The following E2F5 variants were observed in gnomAD, a reference collection of about 807,000 sequenced individuals.
E2F5 encodes transcription factor E2F5.
Under a neutral mutation model 39.1 loss-of-function variants are expected in E2F5, and 23 were observed. The ratio of observed to expected loss-of-function variants is 0.59; its 90% CI spans 0.42 to 0.83. The LOEUF (loss-of-function observed/expected upper bound fraction) is 0.83. Among genes scored for constraint, E2F5 ranks in the 40% least tolerant of loss-of-function variants. The pLI is 0.00. For synonymous variants in E2F5, 145 were observed against 157.8 expected (o/e 0.92, Z 0.61); for missense variants, 365 against 406.7 (o/e 0.90, Z 0.88).
In E2F5 at chr8:85,214,329, C is replaced by T; in HGVS notation, c.*467C>T. 1 of 589,652 alleles carries T rather than the reference C, an allele frequency of 1.7e-6. No homozygotes were observed. Among genetic ancestry groups the T allele is most frequent in the Non-Finnish European group, 3.0e-6 (1 of 330,850 alleles). 36.5% of individuals were successfully genotyped at this position (589,652 alleles called of 1,614,324 possible). ...GAAGGATGTAAACGAGGATATATAA[C>T]TGTTTCAGTGAACAGATTTTGTGAA... On this transcript the variant is annotated 3_prime_UTR_variant, in exon 8 of 8. Transcript: ENST00000416274.
intron 1 of E2F5, among the ~76,000 whole-genome samples, chr8:85,193,783 A>G (rs996055200): frequency 2.0e-5 from 3 of 152,170 alleles, no homozygotes; most frequent in African/African-American, 7.2e-5. Context: ...TTTGAGATGC[A>G]TTCATATTAT....
chr8:85,199,161 T>A (rs1812640613), intron 1 of E2F5, among the ~76,000 whole-genome samples: 1 of 152,090 alleles, frequency 6.6e-6, no homozygotes, highest in Non-Finnish European at 1.5e-5. Flanking sequence ...TATCTCCTTT[T>A]TCCATTTTCC....
chr8:85,209,754 G>C (rs1471473675), intron 6 of E2F5, among the ~76,000 whole-genome samples: 1 of 152,220 alleles, frequency 6.6e-6, no homozygotes, highest in African/African-American at 2.4e-5. Context: ...TTTACCTGAA[G>C]TTTACTTGGT....
intron 1 of E2F5, among the ~76,000 whole-genome samples, chr8:85,193,817 T>G (rs1159405136): frequency 2.0e-5 from 3 of 152,234 alleles, no homozygotes; most frequent in Non-Finnish European, 4.4e-5. Flanking sequence ...GGTTCATTCC[T>G]TCCACTCCCC....
intron 1 of E2F5, among the ~76,000 whole-genome samples, chr8:85,181,074 T>A (rs2283745): frequency 1.2e-4 from 18 of 151,762 alleles, no homozygotes; most frequent in Non-Finnish European, 1.5e-5. Context: ...GACAGGGTTT[T>A]GCCATATTGC....
intron 5 of E2F5, 83 bp downstream of exon 5, chr8:85,207,572 A>G: frequency 8.5e-7 from 1 of 1,181,794 alleles, no homozygotes; most frequent in Non-Finnish European, 1.2e-6. Flanking sequence ...GCTGAATGTG[A>G]GCTAATTGTG....
rs568147635 is a variant in E2F5, at chr8:85,203,789, G to A, written c.506+534G>A. 7.8e-4 allele frequency among the ~76,000 whole-genome samples: 116 copies of A among 148,124 alleles called. 1 individual carries two copies. The highest frequency in any genetic ancestry group is 1.3e-3 in the Non-Finnish European group (90 of 67,242). On this transcript the variant is annotated intron_variant, in intron 3 of 7. Coordinates refer to ENST00000416274, the MANE Select transcript of E2F5 (RefSeq NM_001951.4). ...GTGTGCCTATCAACAATATATATTG[G>A]GGGAAAAACATTATTATATATAATA...
intron 6 of E2F5, among the ~76,000 whole-genome samples, chr8:85,210,350 G>A (rs1812889285): frequency 6.6e-6 from 1 of 151,990 alleles, no homozygotes; most frequent in Admixed American, 6.6e-5. Flanking sequence ...CTATAAATAT[G>A]TCTATACTAC....
rs950695727 is a variant in E2F5, at chr8:85,211,643, G to GTTTTTT, written c.884-491_884-486dup. 3.7e-3 allele frequency among the ~76,000 whole-genome samples: 193 copies of GTTTTTT among 52,206 alleles called. 5 individuals carry two copies. Among genetic ancestry groups the GTTTTTT allele is most frequent in the Non-Finnish European group, 4.0e-3 (115 of 28,528 alleles). 34.2% of individuals were successfully genotyped at this position (52,206 alleles called of 152,430 possible). ...TAGAATGATGATGAGGTTTGTTGTT[G>GTTTTTT]TTTTTTTTTTTTTTTTTTTTTTTTT... On this transcript the variant is annotated intron_variant, in intron 6 of 7. Coordinates refer to ENST00000416274, the MANE Select transcript of E2F5 (RefSeq NM_001951.4).
chr8:85,191,239 A>G (rs919604604), intron 1 of E2F5, among the ~76,000 whole-genome samples: 4 of 152,188 alleles, frequency 2.6e-5, no homozygotes, highest in African/African-American at 9.6e-5. Context: ...TAGAATCTAA[A>G]ATAGTCAAAT....
At chr8:85,177,685 C>G in intron 1 of E2F5, 31 bp downstream of exon 1, 1 of 1,249,790 alleles carries the variant, frequency 8.0e-7, no homozygotes, top group South Asian at 3.7e-5. Context: ...CGGGGGCGGA[C>G]TTCGGAACCC....
chr8:85,196,950 G>C (rs1812594863), intron 1 of E2F5, among the ~76,000 whole-genome samples: 1 of 152,142 alleles, frequency 6.6e-6, no homozygotes, highest in Non-Finnish European at 1.5e-5. Flanking sequence ...AGTACCATGT[G>C]GCTCAGTTGA....
intron 1 of E2F5, among the ~76,000 whole-genome samples, chr8:85,189,577 T>G (rs1812416934): frequency 6.6e-6 from 1 of 152,054 alleles, no homozygotes; most frequent in Admixed American, 6.6e-5. Flanking sequence ...TCATGTTGGC[T>G]AGGCTGGTTT....
At chr8:85,185,191 G>A (rs558045704) in intron 1 of E2F5, among the ~76,000 whole-genome samples, 1 of 152,054 alleles carries the variant, frequency 6.6e-6, no homozygotes, top group Admixed American at 6.5e-5. Flanking sequence ...CAGAACAGAG[G>A]CCTCGGAAAT....
chr8:85,198,366 G>A (rs555365483), intron 1 of E2F5, among the ~76,000 whole-genome samples: 2 of 151,714 alleles, frequency 1.3e-5, no homozygotes, highest in South Asian at 4.2e-4. Flanking sequence ...ACTTCCTGGA[G>A]ACCCCACAGT....
chr8:85,213,355 C>G (rs1027649406), intron 7 of E2F5: 1 of 154,064 alleles, frequency 6.5e-6, no homozygotes, highest in Non-Finnish European at 1.4e-5. Context: ...TCCTGGCTAA[C>G]ATGGTGAAAC....
intron 1 of E2F5, among the ~76,000 whole-genome samples, chr8:85,186,959 A>AT (rs1812357584): frequency 1.3e-5 from 1 of 78,288 alleles, no homozygotes; most frequent in African/African-American, 4.8e-5. Flanking sequence ...CAATCCAAGC[A>AT]TAAAAAAAAA....
At chr8:85,187,563 G>A (rs1322191785) in intron 1 of E2F5, 1 of 151,854 alleles carries the variant, frequency 6.6e-6, no homozygotes, top group South Asian at 2.1e-4. Context: ...TCTTTTTATA[G>A]TTTTTGACTT....
intron 1 of E2F5, among the ~76,000 whole-genome samples, chr8:85,199,248 G>A (rs1812642468): frequency 6.6e-6 from 1 of 151,820 alleles, no homozygotes; most frequent in Non-Finnish European, 1.5e-5. Context: ...CAGAACCTTC[G>A]TGCTTGCTGC....
Sources: gnomAD v4.1 joint callset for allele counts (sites outside exome capture counted in the v4.1 genomes callset) on GRCh38, gnomAD v4.1.1 for gene constraint, MANE v1.5 for transcripts, NCBI Gene and HGNC (gene_info 2026-07-23, HGNC 2026-07-21) for gene names.